The following ZNF423 variants were observed in gnomAD, a reference collection of about 807,000 sequenced individuals.
The protein encoded by ZNF423 is Ebf-associated zinc finger protein.
Under a neutral mutation model 95.8 loss-of-function variants are expected in ZNF423, and 12 were observed. The observed-to-expected ratio is 0.13, with a 90% confidence interval of 0.08 to 0.20. ZNF423 has a LOEUF of 0.20. Ranked by LOEUF, ZNF423 falls within the 10% of genes least tolerant of loss-of-function variation. The probability of loss-of-function intolerance (pLI) is 1.00; values close to 1 mark genes in which losing one functional copy is unlikely to be tolerated. For synonymous variants in ZNF423, 749 were observed against 711.9 expected, an observed-to-expected ratio of 1.05 and a Z score of -0.83; for missense variants, 1,316 against 1,737.1, an observed-to-expected ratio of 0.76 and a Z score of 4.31.
At chr16:49,634,879 A>G (rs1248582440) in intron 4 of ZNF423, among the ~76,000 whole-genome samples, 1 of 152,088 alleles carries the variant, frequency 6.6e-6, no homozygotes, top group African/African-American at 2.4e-5. Flanking sequence ...AAAGCCACTT[A>G]TCATGGGCCT....
intron 3 of ZNF423, among the ~76,000 whole-genome samples, chr16:49,663,797 G>A (rs998771780): frequency 2.0e-5 from 3 of 152,126 alleles, no homozygotes; most frequent in African/African-American, 7.2e-5. Context: ...CTAGGAGTCA[G>A]GGTGCACCCC....
chr16:49,515,356 C>T (rs569287780), intron 7 of ZNF423, among the ~76,000 whole-genome samples: 6 of 152,346 alleles, frequency 3.9e-5, no homozygotes, highest in South Asian at 2.1e-4. Context: ...CCCCTGACAA[C>T]GAAAGCTTTT....
At chr16:49,797,014 C>T (rs1260903418) in intron 1 of ZNF423, among the ~76,000 whole-genome samples, 1 of 152,118 alleles carries the variant, frequency 6.6e-6, no homozygotes, top group Non-Finnish European at 1.5e-5. Context: ...ACATCCCATG[C>T]CTCCCCAGAG....
intron 5 of ZNF423, among the ~76,000 whole-genome samples, chr16:49,564,670 T>C (rs1233487678): frequency 1.3e-5 from 2 of 152,230 alleles, no homozygotes; most frequent in Admixed American, 1.3e-4. Context: ...GGCCTGAGCA[T>C]GGTGTGGTGG....
intron 3 of ZNF423, among the ~76,000 whole-genome samples, chr16:49,691,614 C>T (rs2031784412): frequency 6.6e-6 from 1 of 152,012 alleles, no homozygotes; most frequent in African/African-American, 2.4e-5. Context: ...TGCCTGTGGT[C>T]CCAGCTACTC....
intron 2 of ZNF423, among the ~76,000 whole-genome samples, chr16:49,735,510 T>A (rs2033263992): frequency 6.6e-6 from 1 of 152,188 alleles, no homozygotes; most frequent in African/African-American, 2.4e-5. Context: ...GACTCCCTCA[T>A]CATAACGAGG....
intron 5 of ZNF423, among the ~76,000 whole-genome samples, chr16:49,528,369 C>T (rs1374753334): frequency 1.3e-5 from 2 of 152,188 alleles, no homozygotes; most frequent in Admixed American, 6.5e-5. Flanking sequence ...CCTGGAGCTG[C>T]AAGCCGTCCG....
intron 7 of ZNF423, among the ~76,000 whole-genome samples, chr16:49,502,816 C>T (rs1008046412): frequency 5.4e-5 from 8 of 149,054 alleles, no homozygotes; most frequent in Non-Finnish European, 8.9e-5. Context: ...CACACACACA[C>T]ACCTGCCCCC....
intron 2 of ZNF423, among the ~76,000 whole-genome samples, chr16:49,751,536 T>G (rs778903505): frequency 6.6e-6 from 1 of 152,194 alleles, no homozygotes; most frequent in African/African-American, 2.4e-5. Flanking sequence ...TCAAATCTTA[T>G]TGGGAAACAT....
At chr16:49,502,785 C>T (rs943329298) in intron 7 of ZNF423, among the ~76,000 whole-genome samples, 4 of 141,792 alleles carry the variant, frequency 2.8e-5, no homozygotes, top group Admixed American at 7.0e-5. Flanking sequence ...CACACAAATA[C>T]TCTAGACACA....
rs71380366 is a variant in ZNF423, at chr16:49,646,574, C to CTTTTTTTTTTTTTTTTTTTTTTTTTTTTT, written c.302-7701_302-7700insAAAAAAAAAAAAAAAAAAAAAAAAAAAAA. Among the ~76,000 whole-genome samples the CTTTTTTTTTTTTTTTTTTTTTTTTTTTTT allele has an allele frequency of 3.7e-3, 432 of 117,866 alleles. 40 individuals carry two copies. Among genetic ancestry groups the CTTTTTTTTTTTTTTTTTTTTTTTTTTTTT allele is most frequent in the Non-Finnish European group, 5.7e-3 (306 of 53,562 alleles). 77.3% of individuals were successfully genotyped at this position (117,866 alleles called of 152,430 possible). A position where few individuals can be genotyped will look rare whatever the true frequency, so the allele number is the denominator to read the frequency against. ...TTATGGCACATTTTCTTTTCTTTTT[C>CTTTTTTTTTTTTTTTTTTTTTTTTTTTTT]TTTTTTTTTTTTTTGAGAAGGAGTC... On this transcript the variant is annotated intron_variant, in intron 3 of 7. Transcript: ENST00000563137.
At chr16:49,530,729 C>T (rs1968809800) in intron 5 of ZNF423, among the ~76,000 whole-genome samples, 6 of 152,152 alleles carry the variant, frequency 3.9e-5, no homozygotes, top group Admixed American at 3.9e-4. Context: ...GGAACAACAG[C>T]CTGCTCCAAG....
chr16:49,760,920 A>ACC (rs1205182767), intron 2 of ZNF423, among the ~76,000 whole-genome samples: 2 of 149,562 alleles, frequency 1.3e-5, no homozygotes, highest in Non-Finnish European at 3.0e-5. Flanking sequence ...CCTCCAACAC[A>ACC]CACACACACA....
chr16:49,564,451 G>C (rs1209390940), intron 5 of ZNF423, among the ~76,000 whole-genome samples: 1 of 152,166 alleles, frequency 6.6e-6, no homozygotes, highest in African/African-American at 2.4e-5. Context: ...CAGACTCAGG[G>C]GCCAGGACCC....
chr16:49,812,925 G>A (rs1015370877), intron 1 of ZNF423, among the ~76,000 whole-genome samples: 1 of 152,082 alleles, frequency 6.6e-6, no homozygotes, highest in Admixed American at 6.5e-5. Flanking sequence ...GGGTGGCTGG[G>A]GGAGTTTCTA....
chr16:49,673,423 C>A (rs143896382), intron 3 of ZNF423, among the ~76,000 whole-genome samples: 1 of 152,242 alleles, frequency 6.6e-6, no homozygotes, highest in African/African-American at 2.4e-5. Flanking sequence ...CTCCCACCAG[C>A]GTGAGCGGTG....
chr16:49,501,723 T>C (rs972167183), intron 7 of ZNF423, among the ~76,000 whole-genome samples: 18 of 152,104 alleles, frequency 1.2e-4, no homozygotes, highest in Non-Finnish European at 2.4e-4. Flanking sequence ...TCATGTCCTT[T>C]GCAGCAACAT....
chr16:49,624,361 G>A (rs1304239087), intron 5 of ZNF423, among the ~76,000 whole-genome samples: 1 of 152,086 alleles, frequency 6.6e-6, no homozygotes, highest in Non-Finnish European at 1.5e-5. Flanking sequence ...GACCAGCCTG[G>A]CCAACATAGT....
chr16:49,507,595 G>A (rs1363446067), intron 7 of ZNF423, among the ~76,000 whole-genome samples: 3 of 151,580 alleles, frequency 2.0e-5, no homozygotes, highest in South Asian at 4.2e-4. Flanking sequence ...TGCCTCCTCC[G>A]CTCAAACACT....
Sources: allele counts gnomAD v4.1 joint callset (sites outside exome capture counted in the v4.1 genomes callset), GRCh38; gene constraint gnomAD v4.1.1; transcripts MANE v1.5; gene names NCBI Gene and HGNC (gene_info 2026-07-23, HGNC 2026-07-21).